NSUN6: variants seen among roughly 807,000 people sequenced by gnomAD.
NSUN6 encodes the protein tRNA (cytosine(72)-C(5))-methyltransferase NSUN6.
Under a neutral mutation model 58.0 loss-of-function variants are expected in NSUN6, and 64 were observed. That is an observed-to-expected ratio of 1.10 (90% CI 0.90 to 1.36). NSUN6 has a LOEUF of 1.36. Among genes scored for constraint, NSUN6 ranks in the 40% most tolerant of loss-of-function variants. NSUN6 has a pLI of 0.00. For missense variants in NSUN6, 701 were observed against 550.1 expected, an observed-to-expected ratio of 1.27 and a Z score of -2.74; for synonymous variants, 231 against 193.9, an observed-to-expected ratio of 1.19 and a Z score of -1.59.
chr10:18,658,330 CAA>C (rs1027413118), upstream of NSUN6: 7 of 152,184 alleles, frequency 4.6e-5, no homozygotes, highest in African/African-American at 1.7e-4. Flanking sequence ...CAGGTTAACT[CAA>C]GAGTTTGGCA....
intron 3 of NSUN6, among the ~76,000 whole-genome samples, chr10:18,629,900 G>T (rs887619995): frequency 4.9e-4 from 74 of 149,884 alleles, no homozygotes; most frequent in Non-Finnish European, 8.9e-4. Context: ...TGCACCAAGC[G>T]GACCTAATAG....
intron 3 of NSUN6, among the ~76,000 whole-genome samples, chr10:18,629,242 C>G (rs895998847): frequency 6.6e-6 from 1 of 152,142 alleles, no homozygotes; most frequent in South Asian, 2.1e-4. Context: ...CCTAAAAGAG[C>G]TCCTGAAGGA....
At chr10:18,586,808 T>G (rs527491214) in intron 7 of NSUN6, among the ~76,000 whole-genome samples, 1 of 152,182 alleles carries the variant, frequency 6.6e-6, no homozygotes, top group African/African-American at 2.4e-5. Context: ...CCAGCTTTTA[T>G]TCCCTTATTT....
Position 18,609,875 on chromosome 10 carries a change from GT to G in NSUN6, c.626del (p.Asp209AlafsTer17), listed in dbSNP as rs2058171751. 1 of 1,603,224 alleles carries G rather than the reference GT, an allele frequency of 6.2e-7. No homozygotes were observed. The highest frequency in any genetic ancestry group is 8.5e-7 in the Non-Finnish European group (1 of 1,170,414). ...TEPVYLSPSFDSVLPRYLFLQ... is the reference protein window; with the variant it reads ...TEPVYLSPSFXSVLPRYLFLQ... Reference sequence around the variant, plus strand: ...AAAATAAGTAACGGGGCAGTACACTGTCAAATGAAGGGCTGAGATATACTGG... The same window carrying G: ...AAAATAAGTAACGGGGCAGTACACTGCAAATGAAGGGCTGAGATATACTGG... On this transcript the variant is annotated frameshift_variant, in exon 6 of 11. Transcript: ENST00000377304. LOFTEE classifies it high-confidence loss of function.
chr10:18,618,619 T>C (rs1043989199), intron 3 of NSUN6, among the ~76,000 whole-genome samples: 7 of 150,714 alleles, frequency 4.6e-5, no homozygotes, highest in African/African-American at 1.7e-4. Flanking sequence ...GAGGTGGAGG[T>C]TGCAGTGAGC....
intron 3 of NSUN6, among the ~76,000 whole-genome samples, chr10:18,618,604 C>T (rs1361223061): frequency 6.6e-6 from 1 of 151,346 alleles, no homozygotes; most frequent in East Asian, 1.9e-4. Context: ...ATCACTTGAA[C>T]CCAGGAGGTG....
chr10:18,552,451 C>A (rs1194642692), intron 8 of NSUN6, among the ~76,000 whole-genome samples: 1 of 152,126 alleles, frequency 6.6e-6, no homozygotes, highest in Non-Finnish European at 1.5e-5. Flanking sequence ...GAGAATGAGC[C>A]AGTACCACCC....
chr10:18,588,678 G>A (rs2057264914), intron 7 of NSUN6, among the ~76,000 whole-genome samples: 1 of 152,198 alleles, frequency 6.6e-6, no homozygotes, highest in Admixed American at 6.5e-5. Context: ...CAGACCTGCA[G>A]AAGAGAGGCC....
chr10:18,606,357 CAA>C (rs2058047479), intron 6 of NSUN6, among the ~76,000 whole-genome samples: 2 of 146,300 alleles, frequency 1.4e-5, no homozygotes, highest in African/African-American at 5.1e-5. Context: ...ACCTTAGTCT[CAA>C]AACTGTCAAG....
At chr10:18,556,930 CGGAATGGAGAATGGAAGGGAAT>C (rs1239732862) in intron 8 of NSUN6, among the ~76,000 whole-genome samples, 122 of 120,316 alleles carry the variant, frequency 1.0e-3, no homozygotes, top group African/African-American at 2.7e-3. Flanking sequence ...TGGTATGGAA[CGGAATGGAGAATGGAAGGGAAT>C]GGAATGGAGA....
chr10:18,591,035 T>TA lies in NSUN6; in HGVS notation c.778-4943dup, dbSNP rs377488956. Among the ~76,000 whole-genome samples, 390 of 151,728 alleles carry TA rather than the reference T, an allele frequency of 2.6e-3. 1 individual carries two copies. The highest frequency in any genetic ancestry group is 8.9e-3 in the African/African-American group (369 of 41,378). On this transcript the variant is annotated intron_variant, in intron 7 of 10. Transcript: ENST00000377304. ...ACAAAGAAGAATCAAACAGACACAA[T>TA]AAAAAATGATAAAGGGGATGTCACC...
chr10:18,645,559 C>G (rs191895269), intron 2 of NSUN6, among the ~76,000 whole-genome samples: 4 of 152,270 alleles, frequency 2.6e-5, no homozygotes. Flanking sequence ...TCAGTTCATT[C>G]TAGTTCATAA....
intron 8 of NSUN6, among the ~76,000 whole-genome samples, chr10:18,580,669 A>G (rs898021743): frequency 2.0e-5 from 3 of 152,196 alleles, no homozygotes; most frequent in Non-Finnish European, 4.4e-5. Context: ...CTGCCACCCC[A>G]GCCCAGCATC....
chr10:18,552,224 A>G (rs1290863545), intron 8 of NSUN6, among the ~76,000 whole-genome samples: 1 of 152,162 alleles, frequency 6.6e-6, no homozygotes, highest in African/African-American at 2.4e-5. Flanking sequence ...CCTAATCACA[A>G]AAGACCTTCT....
chr10:18,606,145 G>T (rs1278047272), intron 6 of NSUN6, among the ~76,000 whole-genome samples: 1 of 152,150 alleles, frequency 6.6e-6, no homozygotes, highest in African/African-American at 2.4e-5. Context: ...TTCTTTGTAT[G>T]ATGGTTCCCA....
At chr10:18,557,124 TAG>T (rs2133470825) in intron 8 of NSUN6, among the ~76,000 whole-genome samples, 1 of 146,816 alleles carries the variant, frequency 6.8e-6, no homozygotes, top group South Asian at 2.2e-4. Context: ...GAATGGAAAG[TAG>T]AGAATGGAAT....
rs2059698540 is a variant in NSUN6, at chr10:18,651,281, T to C, written c.-78A>G. ...GTTTTTTTTTTTCTTTCCGAATTAA[T>C]AGTGACGAGTGTCTTGACACCAGAT... On this transcript the variant is annotated 5_prime_UTR_variant, in exon 1 of 11. Transcript: ENST00000377304. The C allele has an allele frequency of 6.8e-7, 1 of 1,474,860 alleles. No individual in the cohort carries two copies. 91.4% of individuals were successfully genotyped at this position (1,474,860 alleles called of 1,614,324 possible).
intron 3 of NSUN6, among the ~76,000 whole-genome samples, chr10:18,628,557 TAA>T (rs2058911451): frequency 1.3e-5 from 2 of 152,062 alleles, no homozygotes; most frequent in South Asian, 2.1e-4. Flanking sequence ...GAAAAGTGCT[TAA>T]AGGAGCTGAG....
intron 3 of NSUN6, among the ~76,000 whole-genome samples, chr10:18,638,409 TCCAGCCTGGG>T (rs977318568): frequency 1.3e-5 from 2 of 152,080 alleles, no homozygotes; most frequent in Admixed American, 1.3e-4. Flanking sequence ...GCCACTGCAC[TCCAGCCTGGG>T]CAACAGAGTG....
Sources: gnomAD v4.1 joint callset for allele counts (sites outside exome capture counted in the v4.1 genomes callset) on GRCh38, gnomAD v4.1.1 for gene constraint, MANE v1.5 for transcripts, NCBI Gene and HGNC (gene_info 2026-07-23, HGNC 2026-07-21) for gene names.